The following ANK2 variants were observed in gnomAD, a reference collection of about 807,000 sequenced individuals.
ANK2 encodes ankyrin-2.
In ANK2, 83 loss-of-function variants were observed where a neutral mutation model predicts 360.5. The observed-to-expected ratio is 0.23, with a 90% CI of 0.19 to 0.28. ANK2 has a LOEUF of 0.28. ANK2 is among the 10% of genes least tolerant of loss of function. ANK2 has a pLI of 1.00. For synonymous variants in ANK2, 1,740 were observed against 1,759.5 expected (o/e 0.99, Z 0.28); for missense variants, 4,201 against 4,795.7 (o/e 0.88, Z 3.66).
At chr4:113,248,386 A>G (rs2153596972) in intron 9 of ANK2, among the ~76,000 whole-genome samples, 1 of 152,228 alleles carries the variant, frequency 6.6e-6, no homozygotes, top group East Asian at 1.9e-4. Context: ...AAAGGAGAGA[A>G]TTGTGTGGAA....
At chr4:113,048,206 T>G (rs1192434957), upstream of ANK2, among the ~76,000 whole-genome samples, 1 of 143,908 alleles carries the variant, frequency 6.9e-6, no homozygotes, top group African/African-American at 2.6e-5. Flanking sequence ...CATATGTGCA[T>G]TTGTACAAAG....
At chr4:113,159,778 T>TATATATA (rs575296053) in intron 1 of ANK2, among the ~76,000 whole-genome samples, 1 of 150,594 alleles carries the variant, frequency 6.6e-6, no homozygotes, top group East Asian at 2.0e-4. Flanking sequence ...CGGCTAATTT[T>TATATATA]TATATATATA....
intron 1 of ANK2, among the ~76,000 whole-genome samples, chr4:112,841,114 C>T (rs1180113250): frequency 6.6e-6 from 1 of 152,116 alleles, no homozygotes; most frequent in African/African-American, 2.4e-5. Context: ...TTGCTGTTAC[C>T]TTGTAATCTA....
chr4:112,936,943 G>A (rs1414074410), intron 2 of ANK2, among the ~76,000 whole-genome samples: 7 of 151,858 alleles, frequency 4.6e-5, no homozygotes, highest in African/African-American at 1.2e-4. Flanking sequence ...ATGCACCATC[G>A]TGCCTGGCTA....
At chr4:113,194,347 T>C (rs986054572) in intron 2 of ANK2, among the ~76,000 whole-genome samples, 2 of 152,166 alleles carry the variant, frequency 1.3e-5, no homozygotes, top group Non-Finnish European at 2.9e-5. Context: ...AACACTCAAA[T>C]GGTTCCATGA....
At chr4:113,132,492 T>C (rs1190183138) in intron 1 of ANK2, among the ~76,000 whole-genome samples, 1 of 152,152 alleles carries the variant, frequency 6.6e-6, no homozygotes, top group Non-Finnish European at 1.5e-5. Flanking sequence ...GATTAAAAAG[T>C]ACTGAAATTT....
intron 2 of ANK2, among the ~76,000 whole-genome samples, chr4:112,984,839 G>A (rs1259372727): frequency 1.3e-5 from 2 of 152,168 alleles, no homozygotes; most frequent in Admixed American, 1.3e-4. Context: ...TTTGGACTGA[G>A]GCTGCTCAAT....
chr4:113,280,957 A>G (rs573870583), intron 17 of ANK2, among the ~76,000 whole-genome samples: 4 of 152,204 alleles, frequency 2.6e-5, no homozygotes, highest in Non-Finnish European at 4.4e-5. Flanking sequence ...CTTTTTTTCA[A>G]TAGAGTCTAT....
chr4:112,710,902 T>TA, the ANK2 span, among the ~76,000 whole-genome samples: 24 of 112,096 alleles, frequency 2.1e-4, no homozygotes, highest in East Asian at 1.2e-3. Flanking sequence ...TTGAACAGGT[T>TA]TTATATATAT....
rs762414760 is a variant in ANK2 at position 113,354,936 on chromosome 4, A to G, written c.6318A>G (p.Arg2106=). ...CAGTGCCTGAAGAAGAAAGCCACAG[A>G]GAGAGCGAAGTGCCCAAAGAAAAGA... ...VQSVPEEESH[R]ESEVPKEKMA... Residue 2106 remains arginine (R), a synonymous_variant, in exon 38 of 46, where the codon AGA becomes AGG. Coordinates refer to ENST00000357077, the MANE Select transcript of ANK2 (RefSeq NM_001148.6). 14 of 1,614,144 alleles carry G rather than the reference A, an allele frequency of 8.7e-6. No homozygotes were observed. The highest frequency in any genetic ancestry group is 2.2e-5 in the East Asian group (1 of 44,870).
chr4:113,176,043 C>T (rs775947697), intron 2 of ANK2, among the ~76,000 whole-genome samples: 6 of 152,180 alleles, frequency 3.9e-5, no homozygotes, highest in East Asian at 3.8e-4. Flanking sequence ...AGGGATTAGG[C>T]GATATCTCCC....
the ANK2 span, among the ~76,000 whole-genome samples, chr4:112,810,114 TAA>T: frequency 7.1e-6 from 1 of 141,844 alleles, no homozygotes; most frequent in African/African-American, 2.5e-5. Context: ...AAAGATATTT[TAA>T]TTTTTTGTGT....
intron 2 of ANK2, among the ~76,000 whole-genome samples, chr4:112,940,572 C>T (rs186402612): frequency 6.6e-6 from 1 of 152,270 alleles, no homozygotes; most frequent in Non-Finnish European, 1.5e-5. Flanking sequence ...TTCAGACTCT[C>T]TCAAATGCCA....
At chr4:112,933,832 A>G (rs949135441) in intron 2 of ANK2, among the ~76,000 whole-genome samples, 6 of 152,206 alleles carry the variant, frequency 3.9e-5, no homozygotes, top group African/African-American at 1.4e-4. Context: ...AGAACTCTGA[A>G]AAAAGTAGAA....
chr4:112,963,930 A>G (rs1176745720), intron 2 of ANK2, among the ~76,000 whole-genome samples: 1 of 151,898 alleles, frequency 6.6e-6, no homozygotes, highest in African/African-American at 2.4e-5. Context: ...CACTTCCATG[A>G]TTGTATATAG....
intron 1 of ANK2, among the ~76,000 whole-genome samples, chr4:112,870,863 T>C (rs1451683144): frequency 2.6e-5 from 4 of 152,230 alleles, no homozygotes; most frequent in African/African-American, 9.6e-5. Context: ...ACTGAATTTG[T>C]AGATCACTTT....
chr4:113,116,704 CA>C (rs1181924421), intron 1 of ANK2, among the ~76,000 whole-genome samples: 3 of 152,090 alleles, frequency 2.0e-5, no homozygotes, highest in East Asian at 1.9e-4. Context: ...AGCACGGCAG[CA>C]GCAGCAGCAG....
At chr4:113,136,262 G>T (rs1231015467) in intron 1 of ANK2, among the ~76,000 whole-genome samples, 3 of 152,158 alleles carry the variant, frequency 2.0e-5, no homozygotes, top group Non-Finnish European at 4.4e-5. Context: ...TCCACAGCAG[G>T]CTCCTAATCT....
chr4:113,229,269 C>T (rs917454017), intron 4 of ANK2, among the ~76,000 whole-genome samples: 1 of 152,206 alleles, frequency 6.6e-6, no homozygotes, highest in African/African-American at 2.4e-5. Flanking sequence ...TCCGGAGGCT[C>T]TAGGTGAGAA....
Sources: allele counts gnomAD v4.1 joint callset (sites outside exome capture counted in the v4.1 genomes callset), GRCh38; gene constraint gnomAD v4.1.1; transcripts MANE v1.5; gene names NCBI Gene and HGNC (gene_info 2026-07-23, HGNC 2026-07-21).